Variants in C15orf39 observed in about 807,000 individuals in gnomAD.
C15orf39 encodes the protein PRMT2 interacting protein.
C15orf39 carries 24 observed loss-of-function variants against 53.9 expected under a neutral mutation model. That is an observed-to-expected ratio of 0.45 (90% CI 0.32 to 0.63). C15orf39 has a LOEUF of 0.63. Ranked by LOEUF, C15orf39 falls within the 20% of genes least tolerant of loss-of-function variation. The probability of loss-of-function intolerance (pLI) is 0.04; values close to 1 mark genes in which losing one functional copy is unlikely to be tolerated. For synonymous variants in C15orf39, 569 were observed against 576.5 expected, an observed-to-expected ratio of 0.99 and a Z score of 0.19; for missense variants, 1,271 against 1,347.9, an observed-to-expected ratio of 0.94 and a Z score of 0.89.
Position 75,206,308 on chromosome 15 carries a change from T to C in C15orf39, c.260T>C (p.Leu87Pro), listed in dbSNP as rs1253265333. 1 of 1,614,020 alleles carries C rather than the reference T, an allele frequency of 6.2e-7. No individual in the cohort carries two copies. Among genetic ancestry groups the C allele is most frequent in the East Asian group, 2.2e-5 (1 of 44,890 alleles). ...MAGPPLQADNLLTNCLFYRSP... is the reference protein window; with the variant it reads ...MAGPPLQADNPLTNCLFYRSP... ...GGACCCCCACTTCAGGCAGACAACC[T>C]GCTGACCAACTGCCTGTTCTACCGC... The change falls in exon 2 of 3, where the codon CTG (leucine) becomes CCG (proline). Residue 87 changes from leucine to proline, a missense_variant. This residue lies in a region of C15orf39 where 994 missense variants were observed against 993.7 expected (regional missense o/e 1.00). Transcript: ENST00000394987.
chr15:75,201,234 C>T (rs1322742800), upstream of C15orf39, among the ~76,000 whole-genome samples: 3 of 152,182 alleles, frequency 2.0e-5, no homozygotes, highest in African/African-American at 7.2e-5. The surrounding 1 kb of genome is among the most constrained non-coding windows in gnomAD (Gnocchi z 4.7). Flanking sequence ...CTCCACTCCA[C>T]CCGCCTCACA....
At position 75,208,371 on chromosome 15, in the gene C15orf39, T is replaced by C; in HGVS notation, c.2323T>C (p.Cys775Arg). The C allele has an allele frequency of 6.3e-7, 1 of 1,596,620 alleles. No individual in the cohort carries two copies. Among genetic ancestry groups the C allele is most frequent in the South Asian group, 1.1e-5 (1 of 88,816 alleles). Residue 775 changes from cysteine to arginine, a missense_variant, in exon 2 of 3, where the codon TGT becomes CGT. By Grantham distance (180) the Cys-to-Arg change is radical. Coordinates refer to ENST00000394987, the MANE Select transcript of C15orf39 (RefSeq NM_015492.5). ...QHFTGLHASL[C>R]DAISGSVAHS... Reference sequence around the variant, plus strand: ...TTTTACAGGACTACATGCGTCCCTGTGTGATGCTATTTCTGGCTCCGTCGC... The same window carrying C: ...TTTTACAGGACTACATGCGTCCCTGCGTGATGCTATTTCTGGCTCCGTCGC...
upstream of C15orf39, among the ~76,000 whole-genome samples, chr15:75,201,034 T>G (rs2070397452): frequency 6.6e-6 from 1 of 152,154 alleles, no homozygotes; most frequent in Non-Finnish European, 1.5e-5. This position sits in a 1 kb window ranked among gnomAD's most constrained non-coding sequence, Gnocchi z 4.7. Flanking sequence ...CATGTCCACC[T>G]GCCCTCCCCT....
rs559843501 is a variant in C15orf39, at chr15:75,206,130, G to C, written c.82G>C (p.Glu28Gln). The C allele has an allele frequency of 3.7e-6, 6 of 1,613,718 alleles. No individual in the cohort carries two copies. In the African/African-American group the frequency reaches 5.3e-5, roughly 14 times the overall value. ...CCGCTTAGAGACAGACTCCGGGCTC[G>C]AGCACAGCCTGCCCCACTCTGTTGG... ...LPRLETDSGL[E>Q]HSLPHSVGNQ... The change falls in exon 2 of 3, where the codon GAG (glutamate) becomes CAG (glutamine). Residue 28 changes from glutamate (E) to glutamine (Q), a missense_variant. Coordinates refer to ENST00000394987, the MANE Select transcript of C15orf39 (RefSeq NM_015492.5).
intron 1 of C15orf39, among the ~76,000 whole-genome samples, chr15:75,205,382 C>T (rs1286937581): frequency 1.3e-5 from 2 of 152,084 alleles, no homozygotes; most frequent in African/African-American, 2.4e-5. Context: ...ACCCAGTGCC[C>T]CTACAAATTC....
chr15:75,208,803 G>A lies in C15orf39; in HGVS notation c.2755G>A (p.Asp919Asn), dbSNP rs769580228. 21 of 1,603,236 alleles carry A rather than the reference G, an allele frequency of 1.3e-5. No homozygotes were observed. Among genetic ancestry groups the A allele is most frequent in the East Asian group, 4.5e-5 (2 of 44,840 alleles). Residue 919 changes from aspartate (D) to asparagine (N), a missense_variant, in exon 2 of 3, where the codon GAC becomes AAC. Transcript: ENST00000394987. The stretch of plus-strand genomic sequence containing the variant: ...CGACCTTCTCGGCCTGCAGTGGCGC[G>A]ACTGTGTACGCCGCCAGCTGGGTGA... The part of the protein sequence containing the change: ...YPDLLGLQWR[D>N]CVRRQLGDFD...
Position 75,206,834 on chromosome 15 carries a change from G to A in C15orf39, c.786G>A (p.Gln262=), listed in dbSNP as rs772435271. 13 of 1,598,306 alleles carry A rather than the reference G, an allele frequency of 8.1e-6. No homozygotes were observed. In the Admixed American group the frequency reaches 1.9e-4, roughly 23 times the overall value. ...QLAQPLGPPC[Q]DTGPTHYPPP... ...CCCAGCCCCTGGGGCCACCCTGTCA[G>A]GACACCGGGCCCACCCACTACCCAC... The change falls in exon 2 of 3, where the codon CAG becomes CAA. Residue 262 remains glutamine, a synonymous_variant. Coordinates refer to ENST00000394987, the MANE Select transcript of C15orf39 (RefSeq NM_015492.5).
chr15:75,204,817 T>C (rs1190039040), intron 1 of C15orf39, among the ~76,000 whole-genome samples: 1 of 152,194 alleles, frequency 6.6e-6, no homozygotes, highest in African/African-American at 2.4e-5. Context: ...GCCACCTCCC[T>C]GGACTTTCAC....
intron 2 of C15orf39, 140 bp downstream of exon 2, chr15:75,208,964 G>A: frequency 1.4e-6 from 2 of 1,382,866 alleles, no homozygotes; most frequent in Non-Finnish European, 1.9e-6. Context: ...ATGAGCTCTA[G>A]GTACCCCCAC....
In C15orf39 at chr15:75,201,886, G is replaced by C. The variant is rs930074418; in HGVS notation, c.-224G>C. ...GCCCGCCCCGCCCGGGACCGCAGAC[G>C]GCGCCCAGCGGCGGCGCGAACGGCA... On this transcript the variant is annotated 5_prime_UTR_variant, in exon 1 of 3. Coordinates refer to ENST00000394987, the MANE Select transcript of C15orf39 (RefSeq NM_015492.5). This position sits in a 1 kb window ranked among gnomAD's most constrained non-coding sequence, Gnocchi z 4.7. 6.6e-6 allele frequency: 1 copy of C among 151,432 alleles called. No individual in the cohort carries two copies. Among genetic ancestry groups the C allele is most frequent in the East Asian group, 1.9e-4 (1 of 5,130 alleles). 9.4% of individuals were successfully genotyped at this position (151,432 alleles called of 1,614,324 possible).
Position 75,210,486 on chromosome 15 carries a change from C to G in C15orf39, c.2777-263C>G, listed in dbSNP as rs1595957019. Among the ~76,000 whole-genome samples, 5 of 152,332 alleles carry G rather than the reference C, an allele frequency of 3.3e-5. No individual in the cohort carries two copies. In the South Asian group the frequency reaches 1.0e-3, roughly 32 times the overall value. On this transcript the variant is annotated intron_variant, in intron 2 of 2. Coordinates refer to ENST00000394987, the MANE Select transcript of C15orf39 (RefSeq NM_015492.5). The stretch of plus-strand genomic sequence containing the variant: ...ATTGGACCAGGCCAATGGTTCCTGA[C>G]CTGCTGAGCCCCTTTGCTCTCATCC...
At position 75,208,834 on chromosome 15, in the gene C15orf39, G is replaced by T; in HGVS notation, c.2776+10G>T. On this transcript the variant is annotated intron_variant, in intron 2 of 2. Transcript: ENST00000394987. ...GTACGCCGCCAGCTGGGTGAGCATG[G>T]GGCAGCCCCAGTGGCCACCGGAGCT... The T allele has an allele frequency of 1.3e-6, 2 of 1,579,658 alleles. No individual in the cohort carries two copies. The highest frequency in any genetic ancestry group is 1.1e-5 in the South Asian group (1 of 87,148).
intron 1 of C15orf39, chr15:75,202,394 C>T (rs1315421011): frequency 2.0e-5 from 3 of 152,398 alleles, no homozygotes; most frequent in Non-Finnish European, 2.9e-5. Context: ...GACCCTGTCA[C>T]GTGGATTGCT....
At chr15:75,205,507 G>A (rs1294755447) in intron 1 of C15orf39, among the ~76,000 whole-genome samples, 1 of 152,110 alleles carries the variant, frequency 6.6e-6, no homozygotes, top group African/African-American at 2.4e-5. Flanking sequence ...TTAAACAAAG[G>A]GTTCTGCAGC....
At position 75,207,882 on chromosome 15, in the gene C15orf39, G is replaced by A; in HGVS notation, c.1834G>A (p.Val612Met). Reference protein sequence around the residue: ...AMDVPDVGNMVSDLPGLKKID... With the variant: ...AMDVPDVGNMMSDLPGLKKID... Reference sequence around the variant, plus strand: ...GGATGTGCCAGATGTGGGCAACATGGTGTCAGATCTGCCAGGCCTGAAAAA... The same window carrying A: ...GGATGTGCCAGATGTGGGCAACATGATGTCAGATCTGCCAGGCCTGAAAAA... Residue 612 changes from valine to methionine, a missense_variant, in exon 2 of 3, where the codon GTG (valine) becomes ATG (methionine). By Grantham distance (21) the Val-to-Met change is conservative. Transcript: ENST00000394987. The A allele has an allele frequency of 6.2e-7, 1 of 1,613,656 alleles. No homozygotes were observed. Among genetic ancestry groups the A allele is most frequent in the Non-Finnish European group, 8.5e-7 (1 of 1,180,010 alleles).
chr15:75,208,684 CG>C lies in C15orf39; in HGVS notation c.2638del (p.Glu880ArgfsTer18). ...HRVELRPTTL[S>X]EERALRELAL... ...GTGGAGCTGCGGCCCACCACGCTGTCGGAGGAGCGGGCACTGCGGGAGCTCG... is the reference window on the plus strand; with the variant it reads ...GTGGAGCTGCGGCCCACCACGCTGTCGAGGAGCGGGCACTGCGGGAGCTCG... On this transcript the variant is annotated frameshift_variant, in exon 2 of 3. Transcript: ENST00000394987. LOFTEE classifies it high-confidence loss of function. 6.2e-7 allele frequency: 1 copy of C among 1,607,654 alleles called. No homozygotes were observed. The highest frequency in any genetic ancestry group is 8.5e-7 in the Non-Finnish European group (1 of 1,179,136).
intron 1 of C15orf39, among the ~76,000 whole-genome samples, chr15:75,203,472 C>T (rs546520285): frequency 6.6e-6 from 1 of 152,308 alleles, no homozygotes; most frequent in South Asian, 2.1e-4. Flanking sequence ...GAGTCGTCTC[C>T]CTTGAGAGAG....
rs764715262 is a variant in C15orf39, at chr15:75,210,980, A to C, written c.3008A>C (p.Lys1003Thr). 1 of 1,613,206 alleles carries C rather than the reference A, an allele frequency of 6.2e-7. No individual in the cohort carries two copies. The highest frequency in any genetic ancestry group is 8.5e-7 in the Non-Finnish European group (1 of 1,180,000). The change falls in exon 3 of 3, where the codon AAG (lysine) becomes ACG (threonine). Residue 1003 changes from lysine (K) to threonine (T), a missense_variant. Lys to Thr is a moderately conservative substitution (Grantham distance 78, BLOSUM62 -1). Coordinates refer to ENST00000394987, the MANE Select transcript of C15orf39 (RefSeq NM_015492.5). ...GCCAGCCCACCTGGCCCCACACTGA[A>C]GGCCCGCTTCCGCAGTCTGCTGGAG... ...TSASPPGPTL[K>T]ARFRSLLETA...
intron 1 of C15orf39, among the ~76,000 whole-genome samples, chr15:75,203,721 CA>C (rs1476681493): frequency 2.0e-5 from 3 of 152,106 alleles, no homozygotes; most frequent in Non-Finnish European, 2.9e-5. Flanking sequence ...GGTGGGGACC[CA>C]GCAGACCCCA....
Sources: allele counts gnomAD v4.1 joint callset (sites outside exome capture counted in the v4.1 genomes callset), GRCh38; gene constraint gnomAD v4.1.1; regional missense constraint gnomAD v4.1.1; non-coding constraint Gnocchi (gnomAD v3.1); transcripts MANE v1.5; gene names NCBI Gene and HGNC (gene_info 2026-07-23, HGNC 2026-07-21).